PEX5L: variants seen among roughly 807,000 people sequenced by gnomAD.
PEX5L encodes the protein peroxisomal biogenesis factor 5 like.
Under a neutral mutation model 84.0 loss-of-function variants are expected in PEX5L, and 30 were observed. The ratio of observed to expected loss-of-function variants is 0.36; its 90% CI spans 0.27 to 0.48. PEX5L has a LOEUF of 0.48. Ranked by LOEUF, PEX5L falls within the 20% of genes least tolerant of loss-of-function variation. PEX5L has a pLI of 0.99. For missense variants in PEX5L, 533 were observed against 754.6 expected (o/e 0.71, Z 3.44); for synonymous variants, 270 against 283.1 (o/e 0.95, Z 0.46).
intron 1 of PEX5L, among the ~76,000 whole-genome samples, chr3:179,998,324 C>T (rs1486326037): frequency 6.6e-6 from 1 of 152,180 alleles, no homozygotes; most frequent in African/African-American, 2.4e-5. Flanking sequence ...CGAAAGTCTG[C>T]CAGTTTGGAG....
intron 1 of PEX5L, among the ~76,000 whole-genome samples, chr3:180,012,230 CTAATT>C (rs1282697534): frequency 2.0e-5 from 3 of 151,478 alleles, no homozygotes; most frequent in African/African-American, 4.9e-5. Flanking sequence ...AACAGGGTTC[CTAATT>C]TAATTTATTT....
At chr3:179,947,429 C>T (rs905033594) in intron 2 of PEX5L, among the ~76,000 whole-genome samples, 6 of 152,028 alleles carry the variant, frequency 3.9e-5, no homozygotes, top group Middle Eastern at 3.2e-3. Flanking sequence ...ATATGACTAT[C>T]TTTGTTTTTC....
chr3:179,999,577 G>C (rs1048122620), intron 1 of PEX5L, among the ~76,000 whole-genome samples: 3 of 152,168 alleles, frequency 2.0e-5, no homozygotes, highest in Admixed American at 6.5e-5. Context: ...CAGATTGACT[G>C]TATTGGACCT....
chr3:179,966,562 C>G (rs1783393647), intron 2 of PEX5L, among the ~76,000 whole-genome samples: 2 of 152,126 alleles, frequency 1.3e-5, no homozygotes, highest in Admixed American at 1.3e-4. Context: ...GTAGGACTAT[C>G]TATTAGCACC....
chr3:179,852,652 T>C (rs571919158), intron 8 of PEX5L, among the ~76,000 whole-genome samples: 3 of 152,340 alleles, frequency 2.0e-5, no homozygotes, highest in South Asian at 4.1e-4. Context: ...GATGTAAGGA[T>C]ATGCTTCCTG....
At chr3:179,905,607 T>A (rs1296510250) in intron 2 of PEX5L, among the ~76,000 whole-genome samples, 1 of 152,056 alleles carries the variant, frequency 6.6e-6, no homozygotes, top group Non-Finnish European at 1.5e-5. Flanking sequence ...AGTCTATTAG[T>A]CTTTAAAAAC....
chr3:179,819,732 T>C lies in PEX5L; in HGVS notation c.939+128A>G, dbSNP rs75951504. Reference sequence around the variant, plus strand: ...TCATTCTATCAGAATTTCTTCTAGGTCAGATTGACATTAAATTGTCTTTTT... The same window carrying C: ...TCATTCTATCAGAATTTCTTCTAGGCCAGATTGACATTAAATTGTCTTTTT... On this transcript the variant is annotated intron_variant, in intron 9 of 14. Transcript: ENST00000467460. 9,156 of 832,370 alleles carry C rather than the reference T, an allele frequency of 0.011. 625 individuals carry two copies. In the African/African-American group the frequency reaches 0.14, roughly 13 times the overall value. The allele number at this position is 832,370 out of a possible 1,614,324, so 51.6% of individuals were successfully genotyped here. A position where few individuals can be genotyped will look rare whatever the true frequency, so the allele number is the denominator to read the frequency against.
intron 2 of PEX5L, among the ~76,000 whole-genome samples, chr3:179,940,575 A>G (rs1775811073): frequency 6.6e-6 from 1 of 152,164 alleles, no homozygotes; most frequent in African/African-American, 2.4e-5. Flanking sequence ...ATGGTACTGC[A>G]TGAAGAGAGA....
rs1430019089 is a variant in PEX5L, at chr3:179,796,730, A to G, written c.*5098T>C. The G allele has an allele frequency of 3.9e-5, 6 of 152,164 alleles. No homozygotes were observed. Among genetic ancestry groups the G allele is most frequent in the Non-Finnish European group, 8.8e-5 (6 of 68,032 alleles). 9.4% of individuals were successfully genotyped at this position (152,164 alleles called of 1,614,324 possible). On this transcript the variant is annotated 3_prime_UTR_variant, in exon 15 of 15. Coordinates refer to ENST00000467460, the MANE Select transcript of PEX5L (RefSeq NM_016559.3). ...CTCCTCATAAAATAGGGGTTATGGG[A>G]AAAGGCAGTGAGAAGATTTCAGAGT...
chr3:179,808,523 A>G lies in PEX5L; in HGVS notation c.1353-86T>C, dbSNP rs954633326. Reference sequence around the variant, plus strand: ...TGTTAAATCCCTTGACTGTATTTCAAGAAGTCTCTTCGTTACAGACTGGAA... The same window carrying G: ...TGTTAAATCCCTTGACTGTATTTCAGGAAGTCTCTTCGTTACAGACTGGAA... On this transcript the variant is annotated intron_variant, in intron 12 of 14. Transcript: ENST00000467460. 4 of 1,083,112 alleles carry G rather than the reference A, an allele frequency of 3.7e-6. No individual in the cohort carries two copies. In the African/African-American group the frequency reaches 4.8e-5, roughly 13 times the overall value. 67.1% of individuals were successfully genotyped at this position (1,083,112 alleles called of 1,614,324 possible).
Position 179,813,664 on chromosome 3 carries a change from A to ATT in PEX5L, c.1084-1795_1084-1794dup, listed in dbSNP as rs35351586. Among the ~76,000 whole-genome samples, 695 of 96,368 alleles carry ATT rather than the reference A, an allele frequency of 7.2e-3. 10 individuals carry two copies. The highest frequency in any genetic ancestry group is 0.033 in the East Asian group (105 of 3,142). The allele number at this position is 96,368 out of a possible 152,430, so 63.2% of individuals were successfully genotyped here. On this transcript the variant is annotated intron_variant, in intron 10 of 14. Transcript: ENST00000467460. ...AGGCATGAGCCATCCCACTCAACTA[A>ATT]TTTTTTTTTTTTTTTTTTTTTTTGA...
chr3:180,030,785 T>G (rs1791383250), intron 1 of PEX5L, among the ~76,000 whole-genome samples: 1 of 152,206 alleles, frequency 6.6e-6, no homozygotes, highest in Admixed American at 6.5e-5. Context: ...AAGTCTCACT[T>G]GCAGGGTTTA....
At chr3:179,948,322 G>A (rs1433554263) in intron 2 of PEX5L, among the ~76,000 whole-genome samples, 2 of 152,178 alleles carry the variant, frequency 1.3e-5, no homozygotes, top group Admixed American at 6.5e-5. Context: ...TTCTCACCTA[G>A]CAAGCTGTCT....
intron 10 of PEX5L, among the ~76,000 whole-genome samples, chr3:179,813,905 T>A (rs1724984973): frequency 6.6e-6 from 1 of 150,478 alleles, no homozygotes; most frequent in South Asian, 2.1e-4. Context: ...CTCGATCTCC[T>A]GACCTCATGA....
At chr3:179,869,134 C>G (rs891810900) in intron 7 of PEX5L, among the ~76,000 whole-genome samples, 3 of 152,152 alleles carry the variant, frequency 2.0e-5, no homozygotes, top group Admixed American at 6.5e-5. Flanking sequence ...TGTGACTTGG[C>G]ACTTGGAGAG....
chr3:179,814,979 C>G (rs944384272), intron 10 of PEX5L, among the ~76,000 whole-genome samples: 1 of 152,188 alleles, frequency 6.6e-6, no homozygotes, highest in African/African-American at 2.4e-5. Context: ...TTCCTGCCCC[C>G]ACCCTGGCTT....
chr3:179,810,044 C>A (rs904097331), intron 11 of PEX5L, among the ~76,000 whole-genome samples: 1 of 115,208 alleles, frequency 8.7e-6, no homozygotes, highest in East Asian at 2.9e-4. Flanking sequence ...GACAGAGTCT[C>A]ACTCTGTCAC....
At chr3:179,875,522 G>A (rs368558324) in intron 5 of PEX5L, 45 bp from the exon 6 acceptor site, 34 of 1,562,750 alleles carry the variant, frequency 2.2e-5, no homozygotes, top group East Asian at 1.1e-4. Context: ...GCGGCAGGGC[G>A]GGGTAGGGGG....
chr3:179,802,714 T>A (rs1719530703), intron 14 of PEX5L, among the ~76,000 whole-genome samples: 1 of 152,152 alleles, frequency 6.6e-6, no homozygotes, highest in Admixed American at 6.5e-5. Flanking sequence ...ATAACTAGGT[T>A]TAAGAGGAAG....
Sources: gnomAD v4.1 joint callset for allele counts (sites outside exome capture counted in the v4.1 genomes callset) on GRCh38, gnomAD v4.1.1 for gene constraint, MANE v1.5 for transcripts, NCBI Gene and HGNC (gene_info 2026-07-23, HGNC 2026-07-21) for gene names.